REEP3: variants seen among roughly 807,000 people sequenced by gnomAD.
The protein encoded by REEP3 is receptor expression-enhancing protein 3.
A neutral mutation model predicts 41.3 loss-of-function variants in REEP3; 20 were observed. The observed-to-expected ratio is 0.48, with a 90% CI of 0.34 to 0.70. The LOEUF (loss-of-function observed/expected upper bound fraction) is 0.70. REEP3 is among the 30% of genes least tolerant of loss of function. The pLI is 0.01. For synonymous variants in REEP3, 104 were observed against 101.8 expected, an observed-to-expected ratio of 1.02 and a Z score of -0.13; for missense variants, 271 against 308.8, an observed-to-expected ratio of 0.88 and a Z score of 0.92.
intron 1 of REEP3, among the ~76,000 whole-genome samples, chr10:63,549,649 C>T (rs1459338462): frequency 6.6e-6 from 1 of 152,218 alleles, no homozygotes; most frequent in Non-Finnish European, 1.5e-5. Flanking sequence ...CATGATACTA[C>T]TGTAGTTGAT....
intron 1 of REEP3, among the ~76,000 whole-genome samples, chr10:63,534,377 A>G (rs1955455365): frequency 6.6e-6 from 1 of 152,048 alleles, no homozygotes; most frequent in South Asian, 2.1e-4. Context: ...CCACCTCCTA[A>G]GTAGCTAGAA....
rs376514331 is a variant in REEP3 at position 63,546,074 on chromosome 10, T to A, written c.33-20264T>A. On this transcript the variant is annotated intron_variant, in intron 1 of 7. Transcript: ENST00000373758. Reference sequence around the variant, plus strand: ...TCTGTACTCATCACATGGAGGTCAATGTGGCTGGAGCAGAGTAGTGTGACC... The same window carrying A: ...TCTGTACTCATCACATGGAGGTCAAAGTGGCTGGAGCAGAGTAGTGTGACC... 7.9e-5 allele frequency among the ~76,000 whole-genome samples: 12 copies of A among 152,254 alleles called. No homozygotes were observed. The South Asian group carries it at 2.3e-3, about 29-fold the overall frequency.
chr10:63,619,633 C>T lies in REEP3; in HGVS notation c.566-22C>T, dbSNP rs562729247. The T allele has an allele frequency of 9.5e-6, 15 of 1,585,146 alleles. No individual in the cohort carries two copies. The African/African-American group carries it at 1.1e-4, about 11-fold the overall frequency. ...ACTGGTGTCCTTTTACCAAAACATG[C>T]TGTTTTTGACAACTTGTTTAGGTTA... On this transcript the variant is annotated intron_variant, in intron 6 of 7. Coordinates refer to ENST00000373758, the MANE Select transcript of REEP3 (RefSeq NM_001001330.3).
At chr10:63,549,957 CT>C in intron 1 of REEP3, among the ~76,000 whole-genome samples, 1 of 152,298 alleles carries the variant, frequency 6.6e-6, no homozygotes, top group South Asian at 2.1e-4. Flanking sequence ...TTCTGATGCA[CT>C]CCCACAGAGG....
At chr10:63,615,135 T>C (rs1564493287) in intron 6 of REEP3, among the ~76,000 whole-genome samples, 1 of 152,172 alleles carries the variant, frequency 6.6e-6, no homozygotes, top group African/African-American at 2.4e-5. Context: ...ATTTTTTAAA[T>C]GTATATACAT....
At chr10:63,587,343 T>C (rs566878050) in intron 2 of REEP3, among the ~76,000 whole-genome samples, 11 of 152,330 alleles carry the variant, frequency 7.2e-5, no homozygotes, top group African/African-American at 1.7e-4. Flanking sequence ...TTCTCAATCA[T>C]TGTAGCACTG....
intron 1 of REEP3, among the ~76,000 whole-genome samples, chr10:63,543,988 G>A (rs966682229): frequency 4.6e-5 from 7 of 152,312 alleles, no homozygotes; most frequent in Admixed American, 2.6e-4. Context: ...GCTACTTCAA[G>A]TATGTACAAA....
At chr10:63,603,529 A>T (rs967365616) in intron 5 of REEP3, among the ~76,000 whole-genome samples, 1 of 152,150 alleles carries the variant, frequency 6.6e-6, no homozygotes, top group African/African-American at 2.4e-5. Flanking sequence ...ACACCTTAAA[A>T]TCACGTGTCC....
chr10:63,580,415 G>A (rs948937792), intron 2 of REEP3, among the ~76,000 whole-genome samples: 1 of 152,122 alleles, frequency 6.6e-6, no homozygotes, highest in African/African-American at 2.4e-5. Context: ...GGAATTACAG[G>A]TGTGAGCCAC....
intron 1 of REEP3, among the ~76,000 whole-genome samples, chr10:63,562,184 T>C (rs1955746207): frequency 6.6e-6 from 1 of 151,774 alleles, no homozygotes; most frequent in African/African-American, 2.4e-5. Context: ...CTAAAAATCC[T>C]GTATCCAGAG....
At chr10:63,544,871 C>T (rs1014852173) in intron 1 of REEP3, among the ~76,000 whole-genome samples, 1 of 152,176 alleles carries the variant, frequency 6.6e-6, no homozygotes, top group African/African-American at 2.4e-5. Flanking sequence ...ACCCAATTCT[C>T]CCCGTATGTA....
intron 1 of REEP3, chr10:63,562,926 T>C (rs1392956932): frequency 2.4e-5 from 11 of 456,354 alleles, no homozygotes; most frequent in Non-Finnish European, 3.5e-5. Context: ...TGGAGTTAAG[T>C]TATTTAAAGG....
intron 5 of REEP3, among the ~76,000 whole-genome samples, chr10:63,609,181 G>C (rs553822269): frequency 2.6e-4 from 37 of 143,112 alleles, no homozygotes; most frequent in African/African-American, 9.1e-4. Flanking sequence ...GGCCGGGCAC[G>C]GTGGCTCACG....
intron 1 of REEP3, among the ~76,000 whole-genome samples, chr10:63,551,855 G>A (rs140756467): frequency 1.3e-4 from 20 of 152,160 alleles, no homozygotes; most frequent in African/African-American, 4.8e-4. Context: ...AATTAATAAC[G>A]ATATATTATT....
chr10:63,539,995 C>T (rs1353859689), intron 1 of REEP3, among the ~76,000 whole-genome samples: 1 of 152,100 alleles, frequency 6.6e-6, no homozygotes, highest in African/African-American at 2.4e-5. Context: ...TAAAACGCAA[C>T]AAAAATTGTA....
chr10:63,536,600 C>T (rs955993809), intron 1 of REEP3, among the ~76,000 whole-genome samples: 2 of 152,048 alleles, frequency 1.3e-5, no homozygotes, highest in East Asian at 3.9e-4. Flanking sequence ...TCAACAGTTA[C>T]ATTGCTTAGA....
rs1477407739 is a variant in REEP3, at chr10:63,597,921, C to A, written c.183-103C>A. 1,853 of 789,426 alleles carry A rather than the reference C, an allele frequency of 2.3e-3. 1 individual carries two copies. The highest frequency in any genetic ancestry group is 6.2e-3 in the Admixed American group (195 of 31,696). The allele number at this position is 789,426 out of a possible 1,614,324, so 48.9% of individuals were successfully genotyped here. On this transcript the variant is annotated intron_variant, in intron 3 of 7. Transcript: ENST00000373758. ...AAACTCCATCTCAAAAAAAAAAAAA[C>A]AAAAAACAGCATAGTGACTGAACTT... is the stretch of plus-strand genomic sequence containing the variant.
chr10:63,589,970 T>C (rs1374930094), intron 2 of REEP3, among the ~76,000 whole-genome samples: 1 of 151,860 alleles, frequency 6.6e-6, no homozygotes, highest in Admixed American at 6.6e-5. Context: ...AATTTTTGTA[T>C]TTTTAGTAGA....
intron 1 of REEP3, among the ~76,000 whole-genome samples, chr10:63,547,007 C>T (rs1443206563): frequency 2.6e-5 from 4 of 152,188 alleles, no homozygotes; most frequent in Middle Eastern, 3.4e-3. Flanking sequence ...CTACAACCTC[C>T]GCCTCTCAGT....
Sources: allele counts gnomAD v4.1 joint callset (sites outside exome capture counted in the v4.1 genomes callset), GRCh38; gene constraint gnomAD v4.1.1; transcripts MANE v1.5; gene names NCBI Gene and HGNC (gene_info 2026-07-23, HGNC 2026-07-21).